SLC25A19: variants seen among roughly 807,000 people sequenced by gnomAD.
SLC25A19 encodes the protein solute carrier family 25 member 19, also known as mitochondrial thiamine pyrophosphate carrier.
A neutral mutation model predicts 27.9 loss-of-function variants in SLC25A19; 18 were observed. The ratio of observed to expected loss-of-function variants is 0.64; its 90% CI spans 0.45 to 0.96. The LOEUF (loss-of-function observed/expected upper bound fraction) is 0.96, where lower values mean the gene tolerates loss of function less well. Ranked by LOEUF, SLC25A19 falls within the 40% of genes least tolerant of loss-of-function variation. The pLI, the probability that SLC25A19 is intolerant of heterozygous loss-of-function variation, is 0.00. For synonymous variants in SLC25A19, 169 were observed against 167.1 expected, an observed-to-expected ratio of 1.01 and a Z score of -0.09; for missense variants, 371 against 418.3, an observed-to-expected ratio of 0.89 and a Z score of 0.99.
intron 4 of SLC25A19, among the ~76,000 whole-genome samples, chr17:75,284,522 T>G (rs1007746981): frequency 6.6e-6 from 1 of 152,108 alleles, no homozygotes; most frequent in Non-Finnish European, 1.5e-5. Flanking sequence ...ACCCCTTCAG[T>G]GCAGCTGGCG....
Position 75,278,311 on chromosome 17 carries a change from C to A in SLC25A19, c.484G>T (p.Val162Leu), listed in dbSNP as rs138452752. The A allele has an allele frequency of 6.2e-7, 1 of 1,613,964 alleles. No individual in the cohort carries two copies. The highest frequency in any genetic ancestry group is 1.3e-5 in the African/African-American group (1 of 74,908). Residue 162 changes from valine (V) to leucine (L), a missense_variant, in exon 6 of 8, where the codon GTG (valine) becomes TTG (leucine). Coordinates refer to ENST00000416858, the MANE Select transcript of SLC25A19 (RefSeq NM_001126121.2). ...PKVYNTLRHA[V>L]GTMYRSEGPQ... ...CCTTCGCTCCTATACATGGTCCCCA[C>A]GGCGTGGCGCAGCGTATTATAGACC... is the stretch of plus-strand genomic sequence containing the variant.
chr17:75,275,560 G>A (rs1048753325), intron 7 of SLC25A19, among the ~76,000 whole-genome samples: 4 of 152,070 alleles, frequency 2.6e-5, no homozygotes, highest in African/African-American at 9.7e-5. Flanking sequence ...CAAAAGAAAG[G>A]GAGTATGTAA....
At chr17:75,276,519 C>G (rs1398934596) in intron 7 of SLC25A19, among the ~76,000 whole-genome samples, 6 of 151,270 alleles carry the variant, frequency 4.0e-5, no homozygotes, top group East Asian at 2.0e-4. Context: ...AGGCGCCCAC[C>G]ACCATACCCA....
At position 75,273,553 on chromosome 17, in the gene SLC25A19, G is replaced by A. The variant is rs2077781763; in HGVS notation, c.861C>T (p.Pro287=). The A allele has an allele frequency of 2.5e-6, 4 of 1,614,020 alleles. No individual in the cohort carries two copies. Among genetic ancestry groups the A allele is most frequent in the African/African-American group, 2.7e-5 (2 of 74,926 alleles). ...TGGAGAGGGCAGCCTTCAGCAAGCTGGGGGACAGGCCCTTGAAGAAGCCCA... is the reference window on the plus strand; with the variant it reads ...TGGAGAGGGCAGCCTTCAGCAAGCTAGGGGACAGGCCCTTGAAGAAGCCCA... ...GALGFFKGLS[P]SLLKAALSTG... Residue 287 remains proline, a synonymous_variant, in exon 8 of 8, where the codon CCC becomes CCT. Transcript: ENST00000416858.
chr17:75,280,553 G>A (rs780018099), intron 5 of SLC25A19, among the ~76,000 whole-genome samples: 1 of 151,960 alleles, frequency 6.6e-6, no homozygotes, highest in East Asian at 1.9e-4. Context: ...GGTGGCTCAC[G>A]CCTGTAATCT....
At chr17:75,286,992 G>T (rs962493974) in intron 2 of SLC25A19, 190 bp from the exon 3 acceptor site, 6 of 537,446 alleles carry the variant, frequency 1.1e-5, no homozygotes, top group African/African-American at 1.9e-5. Flanking sequence ...CTTGAGCTCA[G>T]GAGTTCAAGA....
intron 3 of SLC25A19, 56 bp downstream of exon 3, chr17:75,286,577 G>C (rs778258553): frequency 1.4e-5 from 22 of 1,613,926 alleles, no homozygotes; most frequent in African/African-American, 4.0e-5. Context: ...AACTGCTTTT[G>C]CAAGAAAGAC....
rs1006824512 is a variant in SLC25A19, at chr17:75,280,199, C to T, written c.460-1864G>A. On this transcript the variant is annotated intron_variant, in intron 5 of 7. Coordinates refer to ENST00000416858, the MANE Select transcript of SLC25A19 (RefSeq NM_001126121.2). ...CTGGGCAACATGGTGAATGAAACTC[C>T]ATCTCTACAAAAAATACAAAAATTA... Among the ~76,000 whole-genome samples, 4 of 151,622 alleles carry T rather than the reference C, an allele frequency of 2.6e-5. No homozygotes were observed. In the South Asian group the frequency reaches 8.3e-4, roughly 32 times the overall value.
At chr17:75,287,883 C>T (rs997145762) in intron 2 of SLC25A19, among the ~76,000 whole-genome samples, 2 of 152,204 alleles carry the variant, frequency 1.3e-5, no homozygotes, top group Admixed American at 1.3e-4. Context: ...GTGGCTCACG[C>T]CTGTAATCCC....
intron 4 of SLC25A19, 92 bp downstream of exon 4, chr17:75,286,212 C>T (rs951139025): frequency 6.0e-6 from 9 of 1,511,466 alleles, no homozygotes; most frequent in Non-Finnish European, 7.3e-6. Context: ...TCCGTCCTGC[C>T]CTGCGCGGCA....
chr17:75,277,798 C>G (rs2077929196), intron 6 of SLC25A19, among the ~76,000 whole-genome samples: 1 of 151,342 alleles, frequency 6.6e-6, no homozygotes, highest in East Asian at 1.9e-4. Flanking sequence ...TGCCCCACCC[C>G]TCCCCAGCCT....
At chr17:75,274,790 G>A (rs1245366766) in intron 7 of SLC25A19, among the ~76,000 whole-genome samples, 2 of 151,896 alleles carry the variant, frequency 1.3e-5, no homozygotes, top group African/African-American at 4.8e-5. Context: ...AAGAAAGAAA[G>A]AAAAGAAAAC....
Position 75,278,205 on chromosome 17 carries a change from C to A in SLC25A19, c.590G>T (p.Ser197Ile), listed in dbSNP as rs769399113. Reference sequence around the variant, plus strand: ...CCACTTGTACAGGTGCTTCAAGGAGCTGTAGCAAGAGAACTGCAGCCCGGC... The same window carrying A: ...CCACTTGTACAGGTGCTTCAAGGAGATGTAGCAAGAGAACTGCAGCCCGGC... ...PYAGLQFSCY[S>I]SLKHLYKWAI... The change falls in exon 6 of 8, where the codon AGC becomes ATC. Residue 197 changes from serine to isoleucine, a missense_variant. Transcript: ENST00000416858. 3.3e-5 allele frequency: 53 copies of A among 1,613,858 alleles called. No individual in the cohort carries two copies. The Admixed American group carries it at 8.7e-4, about 26-fold the overall frequency.
chr17:75,275,057 T>C (rs946088130), intron 7 of SLC25A19, among the ~76,000 whole-genome samples: 3 of 137,246 alleles, frequency 2.2e-5, no homozygotes, highest in East Asian at 2.5e-4. Context: ...AGTGTGATCA[T>C]AGCTCACTGC....
At chr17:75,279,390 T>C (rs2077978509) in intron 5 of SLC25A19, among the ~76,000 whole-genome samples, 1 of 152,182 alleles carries the variant, frequency 6.6e-6, no homozygotes, top group African/African-American at 2.4e-5. Flanking sequence ...GTGGAGAGTC[T>C]TGTAGGTTTT....
At chr17:75,283,741 G>A in intron 4 of SLC25A19, 148 bp from the exon 5 acceptor site, 2 of 761,736 alleles carry the variant, frequency 2.6e-6, no homozygotes, top group Non-Finnish European at 4.5e-6. Context: ...AGCAGTGACA[G>A]CATATGATAA....
intron 7 of SLC25A19, among the ~76,000 whole-genome samples, chr17:75,275,621 C>T (rs115073690): frequency 0.015 from 2,291 of 152,234 alleles, 54 homozygotes; most frequent in African/African-American, 0.052. Flanking sequence ...TGACTTAGCA[C>T]GGGGCTTCTC....
intron 4 of SLC25A19, 101 bp from the exon 5 acceptor site, chr17:75,283,694 G>T: frequency 9.1e-7 from 1 of 1,104,888 alleles, no homozygotes; most frequent in South Asian, 1.3e-5. Context: ...GGGCCCAGGT[G>T]GAGGGGCGAG....
At chr17:75,278,390 A>G (rs2077951260) in intron 5 of SLC25A19, 55 bp from the exon 6 acceptor site, 2 of 1,599,394 alleles carry the variant, frequency 1.3e-6, no homozygotes, top group Non-Finnish European at 1.7e-6. Flanking sequence ...TAGCCCTGGA[A>G]CAGCCCATCA....
Sources: allele counts gnomAD v4.1 joint callset (sites outside exome capture counted in the v4.1 genomes callset), GRCh38; gene constraint gnomAD v4.1.1; transcripts MANE v1.5; gene names NCBI Gene and HGNC (gene_info 2026-07-23, HGNC 2026-07-21).